The following SCUBE1 variants were observed in gnomAD, a reference collection of about 807,000 sequenced individuals.
SCUBE1 encodes the protein signal peptide, CUB and EGF-like domain-containing protein 1.
In SCUBE1, 59 loss-of-function variants were observed where a neutral mutation model predicts 124.4. That is an observed-to-expected ratio of 0.47 (90% confidence interval 0.38 to 0.59). SCUBE1 has a LOEUF of 0.59. Among genes scored for constraint, SCUBE1 ranks in the 20% least tolerant of loss-of-function variants. The pLI, the probability that SCUBE1 is intolerant of heterozygous loss-of-function variation, is 0.00. For missense variants in SCUBE1, 1,150 were observed against 1,371.2 expected, an observed-to-expected ratio of 0.84 and a Z score of 2.55; for synonymous variants, 545 against 550.9, an observed-to-expected ratio of 0.99 and a Z score of 0.15.
intron 4 of SCUBE1, among the ~76,000 whole-genome samples, chr22:43,281,540 T>TCACCTCCCTCTTTGGC (rs1569011080): frequency 3.4e-4 from 14 of 40,770 alleles, no homozygotes; most frequent in Admixed American, 1.4e-3. Context: ...CCTCCCTCAG[T>TCACCTCCCTCTTTGGC]CACCCTCCTG....
At chr22:43,266,216 C>T (rs1924059716) in intron 4 of SCUBE1, among the ~76,000 whole-genome samples, 1 of 152,220 alleles carries the variant, frequency 6.6e-6, no homozygotes, top group African/African-American at 2.4e-5. Context: ...GCGAGCCAGG[C>T]TCACCCGCTG....
rs2146810924 is a variant in SCUBE1, at chr22:43,343,340, C to T, written c.-79G>A. On this transcript the variant is annotated 5_prime_UTR_variant, in exon 1 of 22. Transcript: ENST00000360835. Reference sequence around the variant, plus strand: ...CGACCGGCCGCTCCCGCAGGCGCTGCTCGCTGCTCGCCGCTCCGCCACCGC... The same window carrying T: ...CGACCGGCCGCTCCCGCAGGCGCTGTTCGCTGCTCGCCGCTCCGCCACCGC... 1 of 665,944 alleles carries T rather than the reference C, an allele frequency of 1.5e-6. No homozygotes were observed. Among genetic ancestry groups the T allele is most frequent in the Non-Finnish European group, 1.9e-6 (1 of 524,654 alleles). 41.3% of individuals were successfully genotyped at this position (665,944 alleles called of 1,614,324 possible).
At chr22:43,240,920 C>A (rs1355789512) in intron 6 of SCUBE1, among the ~76,000 whole-genome samples, 1 of 152,146 alleles carries the variant, frequency 6.6e-6, no homozygotes, top group Non-Finnish European at 1.5e-5. Context: ...GTAATTCAGG[C>A]TCAGGCCTTG....
intron 6 of SCUBE1, among the ~76,000 whole-genome samples, chr22:43,241,332 C>T (rs1439815370): frequency 6.6e-6 from 1 of 152,162 alleles, no homozygotes; most frequent in Non-Finnish European, 1.5e-5. Flanking sequence ...CCTGCTCCGC[C>T]TCCCACTCTC....
intron 19 of SCUBE1, 58 bp from the exon 20 acceptor site, chr22:43,208,282 G>A: frequency 1.3e-6 from 2 of 1,557,784 alleles, no homozygotes; most frequent in Non-Finnish European, 1.8e-6. Flanking sequence ...CCTGCCCTAG[G>A]CCACTCGCCT....
intron 2 of SCUBE1, among the ~76,000 whole-genome samples, chr22:43,337,510 C>G (rs1927122745): frequency 6.6e-6 from 1 of 152,204 alleles, no homozygotes; most frequent in South Asian, 2.1e-4. Flanking sequence ...TCTGGCCCTG[C>G]CAGCAGCCGG....
At chr22:43,242,513 C>T (rs1923046598) in intron 6 of SCUBE1, among the ~76,000 whole-genome samples, 1 of 152,236 alleles carries the variant, frequency 6.6e-6, no homozygotes, top group African/African-American at 2.4e-5. Flanking sequence ...GGGCCTTCCT[C>T]CTCCTCACCC....
chr22:43,226,790 C>T (rs1323986810), intron 10 of SCUBE1, among the ~76,000 whole-genome samples: 2 of 152,056 alleles, frequency 1.3e-5, no homozygotes, highest in African/African-American at 4.8e-5. Flanking sequence ...CAGACAGGGT[C>T]CCATGTACAG....
intron 6 of SCUBE1, among the ~76,000 whole-genome samples, chr22:43,247,585 G>C (rs1923266234): frequency 6.6e-6 from 1 of 152,222 alleles, no homozygotes; most frequent in South Asian, 2.1e-4. Flanking sequence ...GGAGCTGCTG[G>C]GAGCTGCCTG....
chr22:43,260,481 G>C (rs1440826780), intron 5 of SCUBE1, among the ~76,000 whole-genome samples: 1 of 152,250 alleles, frequency 6.6e-6, no homozygotes, highest in Admixed American at 6.5e-5. Flanking sequence ...TTGAGCCACA[G>C]AGGCTGCTTG....
In SCUBE1 at chr22:43,221,166, C is replaced by A; in HGVS notation, c.1549+7G>T. Reference sequence around the variant, plus strand: ...GGTGTGGGTTAGGAGCAGGGCGTCCCACTCACCCAGCAGCGGCTGCCTGGC... The same window carrying A: ...GGTGTGGGTTAGGAGCAGGGCGTCCAACTCACCCAGCAGCGGCTGCCTGGC... On this transcript the variant is annotated splice_region_variant and intron_variant, in intron 13 of 21. Coordinates refer to ENST00000360835, the MANE Select transcript of SCUBE1 (RefSeq NM_173050.5). The A allele has an allele frequency of 1.2e-6, 2 of 1,600,998 alleles. No individual in the cohort carries two copies. Among genetic ancestry groups the A allele is most frequent in the South Asian group, 2.2e-5 (2 of 90,910 alleles).
intron 2 of SCUBE1, among the ~76,000 whole-genome samples, chr22:43,322,286 A>AT (rs1439431564): frequency 1.3e-5 from 2 of 152,110 alleles, no homozygotes; most frequent in Non-Finnish European, 1.5e-5. Flanking sequence ...TCCGGCATAG[A>AT]TTTTAAAAAA....
At position 43,227,489 on chromosome 22, in the gene SCUBE1, G is replaced by T. The variant is rs747823454; in HGVS notation, c.1092C>A (p.Asp364Glu). 16 of 1,611,978 alleles carry T rather than the reference G, an allele frequency of 9.9e-6. No homozygotes were observed. The highest frequency in any genetic ancestry group is 1.3e-5 in the African/African-American group (1 of 74,894). ...LYGTTHCGDVDECSMSNGSCD... is the reference protein window; with the variant it reads ...LYGTTHCGDVEECSMSNGSCD... ...AGCTCCCGTTGCTCATGCTGCACTC[G>T]TCCACATCTGGAAGCACAGCGGGCG... Residue 364 changes from aspartate (D) to glutamate (E), a missense_variant, in exon 10 of 22, where the codon GAC becomes GAA. Asp to Glu is a conservative substitution (Grantham distance 45, BLOSUM62 2). This residue lies in a region of SCUBE1 where 337 missense variants were observed against 482.1 expected (regional missense o/e 0.70). Coordinates refer to ENST00000360835, the MANE Select transcript of SCUBE1 (RefSeq NM_173050.5).
intron 6 of SCUBE1, among the ~76,000 whole-genome samples, chr22:43,245,452 G>C (rs916262): frequency 0.16 from 24,596 of 152,188 alleles, 2,146 homozygotes; most frequent in Admixed American, 0.25. Flanking sequence ...GTGGTGGCGC[G>C]GGTGGGGTGG....
intron 4 of SCUBE1, among the ~76,000 whole-genome samples, chr22:43,269,157 G>A (rs770526356): frequency 7.2e-5 from 11 of 152,126 alleles, no homozygotes; most frequent in Non-Finnish European, 1.2e-4. Flanking sequence ...GACGTGCCCC[G>A]GGCTGTGTCT....
intron 6 of SCUBE1, among the ~76,000 whole-genome samples, chr22:43,249,885 C>A (rs114190611): frequency 1.3e-5 from 2 of 152,136 alleles, no homozygotes; most frequent in African/African-American, 4.8e-5. Flanking sequence ...CCAGGGGAAG[C>A]CTGGGACTCC....
In SCUBE1 at chr22:43,197,797, A is replaced by G. The variant is rs896983694; in HGVS notation, c.*6200T>C. ...CTGTCCGCCTGGTAGGGAAGGCAGA[A>G]GCTGTCTTTTCTCCGAACGAGTTTT... is the stretch of plus-strand genomic sequence containing the variant. On this transcript the variant is annotated 3_prime_UTR_variant, in exon 22 of 22. Coordinates refer to ENST00000360835, the MANE Select transcript of SCUBE1 (RefSeq NM_173050.5). 6 of 152,290 alleles carry G rather than the reference A, an allele frequency of 3.9e-5. No homozygotes were observed. The highest frequency in any genetic ancestry group is 1.4e-4 in the African/African-American group (6 of 41,460). The allele number at this position is 152,290 out of a possible 1,614,324, so 9.4% of individuals were successfully genotyped here.
chr22:43,285,381 CT>C lies in SCUBE1; in HGVS notation c.484+5664del, dbSNP rs1252094105. Among the ~76,000 whole-genome samples, 5 of 152,194 alleles carry C rather than the reference CT, an allele frequency of 3.3e-5. No homozygotes were observed. In the East Asian group the frequency reaches 9.6e-4, roughly 29 times the overall value. On this transcript the variant is annotated intron_variant, in intron 4 of 21. Coordinates refer to ENST00000360835, the MANE Select transcript of SCUBE1 (RefSeq NM_173050.5). ...CGCCCACCTTCCTCTCTTCCTTCCC[CT>C]CTCTGTCCTTTCCAAAGGCCCAAGT...
chr22:43,270,372 T>A (rs973285941), intron 4 of SCUBE1: 4 of 152,228 alleles, frequency 2.6e-5, no homozygotes, highest in African/African-American at 9.6e-5. Flanking sequence ...TACGTCCACT[T>A]AACAGCTGAG....
Sources: gnomAD v4.1 joint callset for allele counts (sites outside exome capture counted in the v4.1 genomes callset) on GRCh38, gnomAD v4.1.1 for gene constraint, gnomAD v4.1.1 regional missense constraint, MANE v1.5 for transcripts, NCBI Gene and HGNC (gene_info 2026-07-23, HGNC 2026-07-21) for gene names.